Variants in PGLYRP2 observed in about 807,000 individuals in gnomAD.
The protein encoded by PGLYRP2 is N-acetylmuramoyl-L-alanine amidase.
A neutral mutation model predicts 46.2 loss-of-function variants in PGLYRP2; 38 were observed. The ratio of observed to expected loss-of-function variants is 0.82; its 90% CI spans 0.64 to 1.08. PGLYRP2 has a LOEUF of 1.08. PGLYRP2 is among the 50% of genes least tolerant of loss of function. The pLI is 0.00. For missense variants in PGLYRP2, 713 were observed against 755.9 expected (o/e 0.94, Z 0.67); for synonymous variants, 289 against 329.4 (o/e 0.88, Z 1.33).
chr19:15,471,058 G>C (rs965748881), intron 3 of PGLYRP2, among the ~76,000 whole-genome samples: 3 of 146,608 alleles, frequency 2.0e-5, no homozygotes, highest in Non-Finnish European at 4.5e-5. Flanking sequence ...TCCCACCTTA[G>C]CCTGCCGAGT....
intron 4 of PGLYRP2, chr19:15,468,992 C>T (rs188283959): frequency 4.0e-5 from 20 of 498,828 alleles, no homozygotes; most frequent in Admixed American, 7.4e-5. Flanking sequence ...TTAGTGATGG[C>T]GATCAAGGGC....
At position 15,475,404 on chromosome 19, in the gene PGLYRP2, G is replaced by T. The variant is rs1970783930; in HGVS notation, c.1132+134C>A. 1.1e-5 allele frequency: 9 copies of T among 826,952 alleles called. No individual in the cohort carries two copies. The South Asian group carries it at 1.5e-4, about 14-fold the overall frequency. The allele number at this position is 826,952 out of a possible 1,614,324, so 51.2% of individuals were successfully genotyped here. ...CTGGCATTTCCTCACCTGTGCAGCTGTCCCACCCACCCCCGACCAGATCCC... is the reference window on the plus strand; with the variant it reads ...CTGGCATTTCCTCACCTGTGCAGCTTTCCCACCCACCCCCGACCAGATCCC... On this transcript the variant is annotated intron_variant, in intron 2 of 4. Transcript: ENST00000340880.
chr19:15,470,533 C>G (rs1236598526), intron 3 of PGLYRP2, among the ~76,000 whole-genome samples: 3 of 151,692 alleles, frequency 2.0e-5, no homozygotes, highest in Admixed American at 6.6e-5. Flanking sequence ...TCTCGAACTC[C>G]TGACCTCAGG....
intron 2 of PGLYRP2, among the ~76,000 whole-genome samples, chr19:15,473,421 G>A (rs906000675): frequency 3.2e-5 from 4 of 124,426 alleles, no homozygotes; most frequent in Non-Finnish European, 4.7e-5. Context: ...AGTGAGCTGA[G>A]ATCACATCTT....
intron 2 of PGLYRP2, among the ~76,000 whole-genome samples, chr19:15,474,572 C>T (rs917349652): frequency 2.0e-5 from 3 of 152,140 alleles, no homozygotes; most frequent in Admixed American, 2.0e-4. Flanking sequence ...TATTACAGGC[C>T]TGGATGGCTC....
At position 15,476,340 on chromosome 19, in the gene PGLYRP2, C is replaced by T. The variant is rs765564654; in HGVS notation, c.330G>A (p.Val110=). 3.7e-6 allele frequency: 6 copies of T among 1,614,196 alleles called. No homozygotes were observed. In the South Asian group the frequency reaches 4.4e-5, roughly 12 times the overall value. Residue 110 remains valine (V), a synonymous_variant, in exon 2 of 5, where the codon GTG becomes GTA. Coordinates refer to ENST00000340880, the MANE Select transcript of PGLYRP2 (RefSeq NM_052890.4). ...HDVREGKEYG[V]VLAPDGSTVA... ...CGGTCGAGCCATCAGGTGCCAGCACCACCCCATATTCCTTCCCTTCTCGTA... is the reference window on the plus strand; with the variant it reads ...CGGTCGAGCCATCAGGTGCCAGCACTACCCCATATTCCTTCCCTTCTCGTA...
chr19:15,477,390 CTCAA>C (rs1568342705), intron 1 of PGLYRP2, among the ~76,000 whole-genome samples: 1 of 46,748 alleles, frequency 2.1e-5, no homozygotes, highest in South Asian at 9.5e-4. Context: ...GAGACTTTGT[CTCAA>C]AAAAAAAAAA....
At chr19:15,474,701 A>T (rs1970778263) in intron 2 of PGLYRP2, among the ~76,000 whole-genome samples, 1 of 152,056 alleles carries the variant, frequency 6.6e-6, no homozygotes, top group Admixed American at 6.6e-5. Flanking sequence ...AAAATGACAT[A>T]ATGTTGGCTG....
At chr19:15,478,121 C>A (rs1039407707) in intron 1 of PGLYRP2, among the ~76,000 whole-genome samples, 1 of 152,016 alleles carries the variant, frequency 6.6e-6, no homozygotes, top group East Asian at 1.9e-4. Context: ...CCGAGGCAGG[C>A]GGATCACTTG....
rs1175928628 is a variant in PGLYRP2, at chr19:15,476,227, G to A, written c.443C>T (p.Pro148Leu). The A allele has an allele frequency of 6.2e-7, 1 of 1,614,142 alleles. No individual in the cohort carries two copies. Among genetic ancestry groups the A allele is most frequent in the East Asian group, 2.2e-5 (1 of 44,882 alleles). Reference protein sequence around the residue: ...INLPLDSMAAPWETGDTFPDV... With the variant: ...INLPLDSMAALWETGDTFPDV... ...TGGAAAGGTATCTCCAGTCTCCCAA[G>A]GGGCAGCCATGCTGTCCAAGGGCAA... The change falls in exon 2 of 5, where the codon CCT (proline) becomes CTT (leucine). Residue 148 changes from proline (P) to leucine (L), a missense_variant. By Grantham distance (98) the Pro-to-Leu change is moderately conservative. Transcript: ENST00000340880.
chr19:15,470,880 G>T lies in PGLYRP2; in HGVS notation c.1344-951C>A, dbSNP rs561295966. ...GCTGGTCTGGAACTCCCGACCTCAG[G>T]TGATCCACCCGCCTCAGCCTCCCAA... On this transcript the variant is annotated intron_variant, in intron 3 of 4. Transcript: ENST00000340880. Among the ~76,000 whole-genome samples, 11 of 152,016 alleles carry T rather than the reference G, an allele frequency of 7.2e-5. No individual in the cohort carries two copies. In the East Asian group the frequency reaches 1.2e-3, roughly 16 times the overall value.
chr19:15,476,618 G>A lies in PGLYRP2; in HGVS notation c.62-10C>T, dbSNP rs745880300. Reference sequence around the variant, plus strand: ...AGCAGGGGCAGGGAGGCTGCAGGAGGAAAGAATGTGTTAGCCCAGCCCCAC... The same window carrying A: ...AGCAGGGGCAGGGAGGCTGCAGGAGAAAAGAATGTGTTAGCCCAGCCCCAC... On this transcript the variant is annotated splice_polypyrimidine_tract_variant and intron_variant, in intron 1 of 4. Transcript: ENST00000340880. 6.4e-7 allele frequency: 1 copy of A among 1,569,920 alleles called. No individual in the cohort carries two copies. The highest frequency in any genetic ancestry group is 1.8e-5 in the Admixed American group (1 of 56,360).
rs372909125 is a variant in PGLYRP2 at position 15,476,363 on chromosome 19, G to T, written c.307C>A (p.Arg103=). The change falls in exon 2 of 5, where the codon CGA becomes AGA. Residue 103 remains arginine, a synonymous_variant. Coordinates refer to ENST00000340880, the MANE Select transcript of PGLYRP2 (RefSeq NM_052890.4). ...LTKEVARHDV[R]EGKEYGVVLA... is the part of the protein sequence containing the mutation. The stretch of plus-strand genomic sequence containing the variant: ...ACCACCCCATATTCCTTCCCTTCTC[G>T]TACGTCATGTCGGGCCACCTCCTTG... 6.2e-7 allele frequency: 1 copy of T among 1,614,060 alleles called. No homozygotes were observed. The highest frequency in any genetic ancestry group is 8.5e-7 in the Non-Finnish European group (1 of 1,180,018).
rs1336358683 is a variant in PGLYRP2 at position 15,476,384 on chromosome 19, C to T, written c.286G>A (p.Glu96Lys). 2 of 1,614,136 alleles carry T rather than the reference C, an allele frequency of 1.2e-6. No individual in the cohort carries two copies. The highest frequency in any genetic ancestry group is 1.7e-6 in the Non-Finnish European group (2 of 1,180,010). ...LSPELLGLTK[E>K]VARHDVREGK... is the part of the protein sequence containing the mutation. Reference sequence around the variant, plus strand: ...TCTCGTACGTCATGTCGGGCCACCTCCTTGGTCAGGCCTAACAGCTCTGGG... The same window carrying T: ...TCTCGTACGTCATGTCGGGCCACCTTCTTGGTCAGGCCTAACAGCTCTGGG... The change falls in exon 2 of 5, where the codon GAG becomes AAG. Residue 96 changes from glutamate to lysine, a missense_variant. Glu to Lys is a moderately conservative substitution (Grantham distance 56, BLOSUM62 1). Transcript: ENST00000340880.
chr19:15,473,232 G>A lies in PGLYRP2; in HGVS notation c.1133-1132C>T, dbSNP rs145920133. ...CGCCTGTAATCCCAGCAATTTTGGAGGCTGAGGTGGGTGGATCACCTGAGA... is the reference window on the plus strand; with the variant it reads ...CGCCTGTAATCCCAGCAATTTTGGAAGCTGAGGTGGGTGGATCACCTGAGA... On this transcript the variant is annotated intron_variant, in intron 2 of 4. Coordinates refer to ENST00000340880, the MANE Select transcript of PGLYRP2 (RefSeq NM_052890.4). 5.5e-3 allele frequency among the ~76,000 whole-genome samples: 840 copies of A among 152,040 alleles called. 7 individuals carry two copies. Among genetic ancestry groups the A allele is most frequent in the African/African-American group, 0.019 (791 of 41,458 alleles).
intron 1 of PGLYRP2, among the ~76,000 whole-genome samples, chr19:15,478,083 A>G (rs901566515): frequency 6.6e-6 from 1 of 152,212 alleles, no homozygotes; most frequent in African/African-American, 2.4e-5. Flanking sequence ...GTGCTGGCAC[A>G]TGCCTGTAAT....
chr19:15,473,149 T>C (rs937745449), intron 2 of PGLYRP2, among the ~76,000 whole-genome samples: 2 of 152,078 alleles, frequency 1.3e-5, no homozygotes, highest in African/African-American at 4.8e-5. Flanking sequence ...AGAATGAAAC[T>C]GGACCCCTAA....
chr19:15,472,092 C>G lies in PGLYRP2; in HGVS notation c.1141G>C (p.Ala381Pro). 1 of 1,601,192 alleles carries G rather than the reference C, an allele frequency of 6.2e-7. No homozygotes were observed. The highest frequency in any genetic ancestry group is 8.5e-7 in the Non-Finnish European group (1 of 1,179,424). Residue 381 changes from alanine (A) to proline (P), a missense_variant, in exon 3 of 5, where the codon GCC (alanine) becomes CCC (proline). By Grantham distance (27) the Ala-to-Pro change is conservative. Coordinates refer to ENST00000340880, the MANE Select transcript of PGLYRP2 (RefSeq NM_052890.4). ...CCCCAGCGGCAGCGGGGGTGGATGG[C>G]CGGGCATCCTACAGGCAAGGGGGTT... ...EFTEAFLGCP[A>P]IHPRCRWGAA...
intron 2 of PGLYRP2, 29 bp from the exon 3 acceptor site, chr19:15,472,129 T>A (rs763367840): frequency 6.4e-6 from 10 of 1,567,874 alleles, no homozygotes; most frequent in Non-Finnish European, 7.8e-6. Context: ...AAGGCTGGGG[T>A]CAGGAACTGT....
Sources: allele counts gnomAD v4.1 joint callset (sites outside exome capture counted in the v4.1 genomes callset), GRCh38; gene constraint gnomAD v4.1.1; transcripts MANE v1.5; gene names NCBI Gene and HGNC (gene_info 2026-07-23, HGNC 2026-07-21).